RBFOX1: variants seen among roughly 807,000 people sequenced by gnomAD.
RBFOX1 encodes the protein RNA binding fox-1 homolog 1, also known as RNA binding protein fox-1 homolog 1.
A neutral mutation model predicts 57.7 loss-of-function variants in RBFOX1; 8 were observed. The observed-to-expected ratio is 0.14, with a 90% CI of 0.08 to 0.25. The LOEUF (loss-of-function observed/expected upper bound fraction) is 0.25. Among genes scored for constraint, RBFOX1 ranks in the 10% least tolerant of loss-of-function variants. RBFOX1 has a pLI of 1.00. For synonymous variants in RBFOX1, 326 were observed against 222.4 expected, an observed-to-expected ratio of 1.47 and a Z score of -4.15; for missense variants, 611 against 548.5, an observed-to-expected ratio of 1.11 and a Z score of -1.14.
intron 3 of RBFOX1, among the ~76,000 whole-genome samples, chr16:6,873,371 A>G (rs541927461): frequency 1.3e-5 from 2 of 152,266 alleles, no homozygotes; most frequent in African/African-American, 4.8e-5. Context: ...GCTTTAATTT[A>G]GGTCTTTGAG....
chr16:5,424,832 T>C (rs2067466452), intron 1 of RBFOX1, among the ~76,000 whole-genome samples: 1 of 139,170 alleles, frequency 7.2e-6, no homozygotes, highest in Admixed American at 6.8e-5. Flanking sequence ...TCCTCTCCTC[T>C]CTTTCTTTCT....
chr16:6,004,499 A>G (rs1473246046), intron 4 of RBFOX1, among the ~76,000 whole-genome samples: 1 of 152,236 alleles, frequency 6.6e-6, no homozygotes, highest in African/African-American at 2.4e-5. Context: ...AATACTTGGC[A>G]TATCAGAGAC....
intron 3 of RBFOX1, among the ~76,000 whole-genome samples, chr16:6,792,312 G>C (rs773681645): frequency 6.6e-6 from 1 of 152,140 alleles, no homozygotes; most frequent in Admixed American, 6.5e-5. Flanking sequence ...ACGTTGCTCA[G>C]GATGATCCCT....
intron 4 of RBFOX1, among the ~76,000 whole-genome samples, chr16:5,870,848 C>G (rs904101459): frequency 2.0e-5 from 3 of 151,944 alleles, no homozygotes; most frequent in South Asian, 2.1e-4. Flanking sequence ...GGTCCTTTTC[C>G]TTCTCAAATG....
intron 4 of RBFOX1, among the ~76,000 whole-genome samples, chr16:7,506,670 C>A (rs2073414657): frequency 6.6e-6 from 1 of 152,120 alleles, no homozygotes; most frequent in Non-Finnish European, 1.5e-5. Context: ...TTCAATAAGA[C>A]TCATAATAAG....
intron 4 of RBFOX1, among the ~76,000 whole-genome samples, chr16:7,407,398 G>A (rs12709200): frequency 0.42 from 63,079 of 151,056 alleles, 14,248 homozygotes; most frequent in Non-Finnish European, 0.52. Context: ...GTGTGTGTGT[G>A]TGTGTGTATG....
intron 2 of RBFOX1, among the ~76,000 whole-genome samples, chr16:6,647,069 A>G (rs1485034538): frequency 6.6e-6 from 1 of 152,070 alleles, no homozygotes; most frequent in Non-Finnish European, 1.5e-5. Flanking sequence ...GATATTCAAG[A>G]TCAAGGTGCC....
At chr16:6,973,171 A>G (rs992889172) in intron 3 of RBFOX1, among the ~76,000 whole-genome samples, 16 of 139,906 alleles carry the variant, frequency 1.1e-4, no homozygotes, top group African/African-American at 4.2e-4. Context: ...CAAGGCCATC[A>G]GCTTTGAGAG....
At chr16:6,170,373 T>C (rs949940729) in intron 1 of RBFOX1, among the ~76,000 whole-genome samples, 6 of 152,160 alleles carry the variant, frequency 3.9e-5, no homozygotes, top group Non-Finnish European at 8.8e-5. Context: ...GTTCTTAGCA[T>C]GTAATCAATC....
intron 1 of RBFOX1, among the ~76,000 whole-genome samples, chr16:6,131,364 G>T (rs1429148581): frequency 6.6e-6 from 1 of 152,160 alleles, no homozygotes; most frequent in Admixed American, 6.5e-5. Flanking sequence ...GGCTGCTTTT[G>T]CACTAAGGTA....
At chr16:7,534,837 G>C (rs1234098457) in intron 5 of RBFOX1, among the ~76,000 whole-genome samples, 1 of 152,136 alleles carries the variant, frequency 6.6e-6, no homozygotes, top group Admixed American at 6.5e-5. Context: ...CAAACGTCTT[G>C]ACTTGCCCCG....
At chr16:7,692,356 A>T (rs1413301808) in intron 14 of RBFOX1, among the ~76,000 whole-genome samples, 1 of 152,224 alleles carries the variant, frequency 6.6e-6, no homozygotes, top group Non-Finnish European at 1.5e-5. Flanking sequence ...CTCTTGCAAC[A>T]GTAAAACTTT....
At chr16:5,988,552 C>T (rs770177892) in intron 4 of RBFOX1, among the ~76,000 whole-genome samples, 1 of 152,136 alleles carries the variant, frequency 6.6e-6, no homozygotes, top group East Asian at 1.9e-4. Flanking sequence ...TCTGCTGTTA[C>T]CCCCTTCCTG....
At chr16:5,725,897 G>C (rs1418279330) in intron 3 of RBFOX1, among the ~76,000 whole-genome samples, 5 of 151,766 alleles carry the variant, frequency 3.3e-5, no homozygotes, top group Middle Eastern at 3.2e-3. Context: ...CTGCAGGTTG[G>C]GGTTAATTCC....
chr16:6,549,432 GGGA>G (rs1180936057), intron 2 of RBFOX1, among the ~76,000 whole-genome samples: 5 of 61,468 alleles, frequency 8.1e-5, no homozygotes, highest in African/African-American at 1.8e-4. Context: ...GAGGGGAGGA[GGGA>G]GGAGGAGGAG....
At chr16:7,574,591 C>A (rs72774934) in intron 5 of RBFOX1, among the ~76,000 whole-genome samples, 6,955 of 152,198 alleles carry the variant, frequency 0.046, 260 homozygotes, top group East Asian at 0.2. Context: ...CTGGAAGACT[C>A]AGCCAGTCTA....
intron 3 of RBFOX1, among the ~76,000 whole-genome samples, chr16:6,780,523 T>TATATATTTATATAGACATTTAC (rs2080800256): frequency 9.2e-6 from 1 of 108,194 alleles, no homozygotes; most frequent in African/African-American, 3.5e-5. Flanking sequence ...TATACATTTA[T>TATATATTTATATAGACATTTAC]ATATATTTAT....
At chr16:6,557,048 T>TATATACATACATATATAC (rs1555548853) in intron 2 of RBFOX1, among the ~76,000 whole-genome samples, 2 of 121,180 alleles carry the variant, frequency 1.7e-5, no homozygotes, top group Admixed American at 1.5e-4. Flanking sequence ...TATATATACA[T>TATATACATACATATATAC]ATATATACAT....
intron 2 of RBFOX1, among the ~76,000 whole-genome samples, chr16:6,436,938 T>C (rs756519208): frequency 6.6e-6 from 1 of 152,206 alleles, no homozygotes; most frequent in Non-Finnish European, 1.5e-5. Context: ...TCGATGGGCA[T>C]AGACATACTT....
Sources: allele counts gnomAD v4.1 joint callset (sites outside exome capture counted in the v4.1 genomes callset), GRCh38; gene constraint gnomAD v4.1.1; transcripts MANE v1.5; gene names NCBI Gene and HGNC (gene_info 2026-07-23, HGNC 2026-07-21).